The following ZNF519 variants were observed in gnomAD, a reference collection of about 807,000 sequenced individuals.
The protein encoded by ZNF519 is zinc finger protein 519.
Under a neutral mutation model 7.4 loss-of-function variants are expected in ZNF519, and 7 were observed. The ratio of observed to expected loss-of-function variants is 0.94; its 90% CI spans 0.54 to 1.77. The LOEUF is 1.77. Among genes scored for constraint, ZNF519 ranks in the 40% most tolerant of loss-of-function variants. The probability of loss-of-function intolerance (pLI) is 0.00; values close to 1 mark genes in which losing one functional copy is unlikely to be tolerated. For missense variants in ZNF519, 586 were observed against 623.1 expected, an observed-to-expected ratio of 0.94 and a Z score of 0.63; for synonymous variants, 179 against 203.3, an observed-to-expected ratio of 0.88 and a Z score of 1.02.
At chr18:14,109,627 G>A (rs2046211103) in intron 2 of ZNF519, among the ~76,000 whole-genome samples, 1 of 151,966 alleles carries the variant, frequency 6.6e-6, no homozygotes, top group African/African-American at 2.4e-5. Context: ...GGGTCAATGA[G>A]GAAATTAATA....
At chr18:14,110,845 G>T (rs1351896366) in intron 2 of ZNF519, among the ~76,000 whole-genome samples, 1 of 152,162 alleles carries the variant, frequency 6.6e-6, no homozygotes, top group Non-Finnish European at 1.5e-5. Flanking sequence ...AATCTACGAG[G>T]ATGCAAAGGC....
At position 14,105,324 on chromosome 18, in the gene ZNF519, A is replaced by G. The variant is rs2046183749; in HGVS notation, c.1216T>C (p.Cys406Arg). ...TTAAAAGCTTTGCCACATTCCTTAC[A>G]CTTGAAAGGTTTCTCTCCAGTATGC... ...RMHTGEKPFK[C>R]KECGKAFNRA... is the part of the protein sequence containing the mutation. Residue 406 changes from cysteine to arginine, a missense_variant, in exon 3 of 3, where the codon TGT (cysteine) becomes CGT (arginine). Cys to Arg is a radical substitution (Grantham distance 180, BLOSUM62 -3). Coordinates refer to ENST00000590202, the MANE Select transcript of ZNF519 (RefSeq NM_145287.4). 11 of 1,614,086 alleles carry G rather than the reference A, an allele frequency of 6.8e-6. No homozygotes were observed. Among genetic ancestry groups the G allele is most frequent in the Admixed American group, 3.3e-5 (2 of 60,020 alleles).
In ZNF519 at chr18:14,083,489, C is replaced by G. The variant is rs143562500; in HGVS notation, c.*177+1388G>C. ...TTAAACAACTTCCTAGTGTTAAATGCTTAGGTTGATTCAACTTTTTGAAAA... is the reference window on the plus strand; with the variant it reads ...TTAAACAACTTCCTAGTGTTAAATGGTTAGGTTGATTCAACTTTTTGAAAA... On this transcript the variant is annotated intron_variant and NMD_transcript_variant, in intron 3 of 4. Transcript: ENST00000587419. Among the ~76,000 whole-genome samples the G allele has an allele frequency of 1.6e-4, 24 of 152,292 alleles. No homozygotes were observed. The East Asian group carries it at 3.9e-3, about 24-fold the overall frequency.
In ZNF519 at chr18:14,101,398, T is replaced by C. The variant is rs2046160171; in HGVS notation, c.*3519A>G. Reference sequence around the variant, plus strand: ...GCCCTAGCAAATGCAAAAACACTCATGGTCATAACATGAAGTGAAAGTAAA... The same window carrying C: ...GCCCTAGCAAATGCAAAAACACTCACGGTCATAACATGAAGTGAAAGTAAA... On this transcript the variant is annotated 3_prime_UTR_variant, in exon 3 of 3. Transcript: ENST00000590202. 1 of 297,150 alleles carries C rather than the reference T, an allele frequency of 3.4e-6. No individual in the cohort carries two copies. 18.4% of individuals were successfully genotyped at this position (297,150 alleles called of 1,614,324 possible).
At chr18:14,093,129 AATC>A (rs2143101576) in intron 2 of ZNF519, among the ~76,000 whole-genome samples, 2 of 152,290 alleles carry the variant, frequency 1.3e-5, no homozygotes, top group South Asian at 4.1e-4. Context: ...TTTGAAATGT[AATC>A]ATCAGGAACT....
intron 2 of ZNF519, among the ~76,000 whole-genome samples, chr18:14,085,405 A>AT (rs933254319): frequency 1.8e-4 from 28 of 152,172 alleles, no homozygotes; most frequent in African/African-American, 6.5e-4. Context: ...CAGAAGGGTG[A>AT]TTTTTTTGGA....
chr18:14,094,713 C>T (rs753927328), intron 2 of ZNF519, among the ~76,000 whole-genome samples: 8 of 151,992 alleles, frequency 5.3e-5, no homozygotes, highest in African/African-American at 1.2e-4. Flanking sequence ...AATTTATGCT[C>T]GCAGAGATTG....
chr18:14,091,515 G>GT (rs2046114252), intron 2 of ZNF519, among the ~76,000 whole-genome samples: 1 of 152,164 alleles, frequency 6.6e-6, no homozygotes, highest in Admixed American at 6.5e-5. Context: ...AGTACAAAGA[G>GT]TGGGGGTACA....
intron 2 of ZNF519, among the ~76,000 whole-genome samples, chr18:14,109,564 T>C (rs1646180623): frequency 6.6e-6 from 1 of 152,146 alleles, no homozygotes; most frequent in Admixed American, 6.5e-5. Flanking sequence ...AGAAAAAGTT[T>C]TGAAATTATA....
intron 2 of ZNF519, among the ~76,000 whole-genome samples, chr18:14,118,010 T>C (rs2046253328): frequency 6.6e-6 from 1 of 152,052 alleles, no homozygotes; most frequent in Admixed American, 6.5e-5. Context: ...AAAACGCAAA[T>C]GTTCTTCAAT....
chr18:14,118,139 A>G lies in ZNF519; in HGVS notation c.130+6211T>C, dbSNP rs1046408530. ...AGTGGCATGGCCTCGGCTCACTGCA[A>G]GCTCTGCCTCCTGGGTTCATACCAT... is the stretch of plus-strand genomic sequence containing the variant. On this transcript the variant is annotated intron_variant, in intron 2 of 2. Transcript: ENST00000590202. Among the ~76,000 whole-genome samples, 3 of 152,126 alleles carry G rather than the reference A, an allele frequency of 2.0e-5. No individual in the cohort carries two copies. The South Asian group carries it at 6.2e-4, about 32-fold the overall frequency.
chr18:14,105,124 G>A lies in ZNF519; in HGVS notation c.1416C>T (p.Gly472=). ...CEECGKAFIW[G]SHLTQHQRVH... The stretch of plus-strand genomic sequence containing the variant: ...CTCTCTGATGTTGAGTAAGGTGTGA[G>A]CCCCAGATAAAAGCTTTGCCACATT... The change falls in exon 3 of 3, where the codon GGC becomes GGT. Residue 472 remains glycine (G), a synonymous_variant. Transcript: ENST00000590202. The A allele has an allele frequency of 1.9e-6, 3 of 1,613,226 alleles. No homozygotes were observed. Among genetic ancestry groups the A allele is most frequent in the South Asian group, 1.1e-5 (1 of 90,972 alleles).
intron 2 of ZNF519, among the ~76,000 whole-genome samples, chr18:14,119,789 TAACAACA>T (rs1163265466): frequency 6.6e-6 from 1 of 152,082 alleles, no homozygotes; most frequent in Non-Finnish European, 1.5e-5. Flanking sequence ...TTCCATACAG[TAACAACA>T]AACTTTCCAC....
In ZNF519 at chr18:14,106,170, A is replaced by G. The variant is rs140111644; in HGVS notation, c.370T>C (p.Phe124Leu). The G allele has an allele frequency of 2.5e-3, 4,074 of 1,611,848 alleles. 11 individuals carry two copies. Among genetic ancestry groups the G allele is most frequent in the Non-Finnish European group, 3.1e-3 (3,668 of 1,179,430 alleles). The change falls in exon 3 of 3, where the codon TTT (phenylalanine) becomes CTT (leucine). Residue 124 changes from phenylalanine to leucine, a missense_variant. Transcript: ENST00000590202. ...TVKGDKEYRIFQKKPQFLSAA... is the reference protein window; with the variant it reads ...TVKGDKEYRILQKKPQFLSAA... ...GACAGAAACTGAGGCTTCTTCTGAA[A>G]TATTCTATATTCTTTGTCTCCTTTC...
At chr18:14,076,685 A>T (rs2143071932) in exon 5 of ZNF519, 1 of 152,364 alleles carries the variant, frequency 6.6e-6, no homozygotes, top group South Asian at 2.1e-4. Context: ...GTACTAAGAT[A>T]AGCACTGAAC....
At chr18:14,095,428 G>A (rs140690420), downstream of ZNF519, among the ~76,000 whole-genome samples, 109 of 152,316 alleles carry the variant, frequency 7.2e-4, no homozygotes, top group African/African-American at 2.5e-3. Context: ...GGTGTTTGTG[G>A]CCGCTGCAGT....
downstream of ZNF519, among the ~76,000 whole-genome samples, chr18:14,096,238 GGAGAT>G (rs1239417159): frequency 6.6e-6 from 1 of 152,200 alleles, no homozygotes; most frequent in Non-Finnish European, 1.5e-5. Flanking sequence ...TGGAAAGCTG[GGAGAT>G]GGGTGACACA....
chr18:14,092,602 G>T (rs890234092), intron 2 of ZNF519, among the ~76,000 whole-genome samples: 4 of 152,124 alleles, frequency 2.6e-5, no homozygotes, highest in African/African-American at 9.7e-5. Context: ...ATCACAGAAA[G>T]CCTCGACAGT....
At chr18:14,082,051 A>G (rs185638492) in intron 3 of ZNF519, 57 of 146,986 alleles carry the variant, frequency 3.9e-4, no homozygotes, top group African/African-American at 1.5e-3. Flanking sequence ...ATAAAAAAAT[A>G]AATAAAATTT....
Sources: allele counts gnomAD v4.1 joint callset (sites outside exome capture counted in the v4.1 genomes callset), GRCh38; gene constraint gnomAD v4.1.1; transcripts MANE v1.5; gene names NCBI Gene and HGNC (gene_info 2026-07-23, HGNC 2026-07-21).